Variants in SCMH1 observed in about 807,000 individuals in gnomAD.
SCMH1 encodes polycomb protein SCMH1.
Under a neutral mutation model 70.8 loss-of-function variants are expected in SCMH1, and 37 were observed. The ratio of observed to expected loss-of-function variants is 0.52; its 90% CI spans 0.40 to 0.69. The LOEUF is 0.69. Ranked by LOEUF, SCMH1 falls within the 30% of genes least tolerant of loss-of-function variation. The pLI is 0.00. For synonymous variants in SCMH1, 292 were observed against 307.4 expected, an observed-to-expected ratio of 0.95 and a Z score of 0.52; for missense variants, 607 against 827.3, an observed-to-expected ratio of 0.73 and a Z score of 3.27.
exon 13 of SCMH1, chr1:41,037,384 A>T: frequency 6.2e-7 from 1 of 1,614,196 alleles, no homozygotes; most frequent in Non-Finnish European, 8.5e-7. Context: ...GCCTGCGCAC[A>T]GCTGAGGCAG....
intron 8 of SCMH1, among the ~76,000 whole-genome samples, chr1:41,101,079 C>T (rs1182770192): frequency 2.0e-5 from 3 of 149,662 alleles, no homozygotes; most frequent in African/African-American, 7.4e-5. Context: ...AGAAACTATA[C>T]AATCTCAAAA....
intron 1 of SCMH1, among the ~76,000 whole-genome samples, chr1:41,204,215 A>T (rs1455716184): frequency 2.0e-5 from 3 of 152,248 alleles, no homozygotes; most frequent in African/African-American, 7.2e-5. Context: ...TCTTAGGCTT[A>T]GGATTTTTCA....
At chr1:41,123,180 A>G (rs1398637768) in intron 6 of SCMH1, among the ~76,000 whole-genome samples, 1 of 152,092 alleles carries the variant, frequency 6.6e-6, no homozygotes, top group African/African-American at 2.4e-5. Flanking sequence ...TATGATTGTG[A>G]CGCTGCATTC....
chr1:41,031,024 A>G (rs1644445359), intron 13 of SCMH1, among the ~76,000 whole-genome samples: 1 of 152,154 alleles, frequency 6.6e-6, no homozygotes, highest in Admixed American at 6.5e-5. Flanking sequence ...GCAGTGGCTC[A>G]CGCTGTAATC....
intron 13 of SCMH1, among the ~76,000 whole-genome samples, chr1:41,030,425 G>A (rs1644360643): frequency 6.6e-6 from 1 of 151,968 alleles, no homozygotes; most frequent in Non-Finnish European, 1.5e-5. Flanking sequence ...CCCCTTACTC[G>A]CCGTGCTTCA....
At chr1:41,116,293 A>G (rs1670453449) in intron 7 of SCMH1, among the ~76,000 whole-genome samples, 1 of 152,186 alleles carries the variant, frequency 6.6e-6, no homozygotes, top group Non-Finnish European at 1.5e-5. Context: ...ACCTAATTTA[A>G]TACCCTTTAC....
intron 1 of SCMH1, among the ~76,000 whole-genome samples, chr1:41,192,396 C>A (rs140393490): frequency 5.3e-5 from 8 of 152,062 alleles, no homozygotes; most frequent in African/African-American, 1.9e-4. Flanking sequence ...ATTAACTTGA[C>A]CAAGTTAACT....
chr1:41,034,477 A>C (rs1480413432), intron 13 of SCMH1, among the ~76,000 whole-genome samples: 1 of 151,772 alleles, frequency 6.6e-6, no homozygotes, highest in African/African-American at 2.4e-5. Flanking sequence ...ACAGGTGCCC[A>C]CTACCACGTC....
At chr1:41,105,778 G>T (rs1667736341) in intron 8 of SCMH1, among the ~76,000 whole-genome samples, 1 of 151,790 alleles carries the variant, frequency 6.6e-6, no homozygotes, top group South Asian at 2.1e-4. Context: ...TGGCATCCCT[G>T]ACTCCAGCAT....
intron 8 of SCMH1, chr1:41,098,974 CA>C: frequency 3.8e-6 from 1 of 262,260 alleles, no homozygotes; most frequent in South Asian, 5.8e-5. Flanking sequence ...TTGTGGATGT[CA>C]AAATCAACAA....
chr1:41,174,577 G>A (rs1294813045), intron 2 of SCMH1, among the ~76,000 whole-genome samples: 2 of 151,968 alleles, frequency 1.3e-5, no homozygotes, highest in Admixed American at 1.3e-4. Context: ...GAATCATGAG[G>A]TTCTTGCAGA....
intron 13 of SCMH1, among the ~76,000 whole-genome samples, chr1:41,029,992 T>A (rs529006961): frequency 6.6e-6 from 1 of 152,166 alleles, no homozygotes; most frequent in African/African-American, 2.4e-5. Flanking sequence ...CATGGGAGGA[T>A]TGCTTGAGCC....
At chr1:41,163,933 T>C (rs1381766848) in intron 2 of SCMH1, among the ~76,000 whole-genome samples, 1 of 152,232 alleles carries the variant, frequency 6.6e-6, no homozygotes, top group Non-Finnish European at 1.5e-5. Context: ...TAATCTTATA[T>C]ATTTTCAAAT....
chr1:41,190,870 C>T (rs1355942732), intron 1 of SCMH1, among the ~76,000 whole-genome samples: 1 of 152,056 alleles, frequency 6.6e-6, no homozygotes, highest in Non-Finnish European at 1.5e-5. Flanking sequence ...CCTAAGGTAT[C>T]TTTTAAGTTA....
At chr1:41,154,035 G>C (rs1317169455) in intron 4 of SCMH1, among the ~76,000 whole-genome samples, 1 of 152,212 alleles carries the variant, frequency 6.6e-6, no homozygotes, top group African/African-American at 2.4e-5. Context: ...AGCAGCCACA[G>C]ACAGTATGTG....
exon 14 of SCMH1, chr1:41,028,700 C>A (rs753310087): frequency 6.2e-7 from 1 of 1,614,054 alleles, no homozygotes; most frequent in South Asian, 1.1e-5. Context: ...CGAGAGGCAT[C>A]GCGGCTCTCC....
At chr1:41,077,311 G>A (rs990538316) in intron 8 of SCMH1, among the ~76,000 whole-genome samples, 1 of 152,140 alleles carries the variant, frequency 6.6e-6, no homozygotes, top group African/African-American at 2.4e-5. Flanking sequence ...CTGGAGGAAA[G>A]AGAAATGAGA....
At chr1:41,162,964 G>A (rs148538282) in intron 2 of SCMH1, 5 of 152,328 alleles carry the variant, frequency 3.3e-5, no homozygotes, top group African/African-American at 1.2e-4. Flanking sequence ...GCTGAACGGC[G>A]TGGCTAAAAG....
intron 4 of SCMH1, chr1:41,159,757 TCA>T (rs1349715975): frequency 6.5e-7 from 1 of 1,531,074 alleles, no homozygotes; most frequent in East Asian, 2.5e-5. Context: ...TTTCTTCAGC[TCA>T]CATTCATAGA....
Sources: allele counts gnomAD v4.1 joint callset (sites outside exome capture counted in the v4.1 genomes callset), GRCh38; gene constraint gnomAD v4.1.1; transcripts MANE v1.5; gene names NCBI Gene and HGNC (gene_info 2026-07-23, HGNC 2026-07-21).